The following CKMT2 variants were observed in gnomAD, a reference collection of about 807,000 sequenced individuals.
The protein encoded by CKMT2 is creatine kinase S-type, mitochondrial.
CKMT2 carries 43 observed loss-of-function variants against 48.9 expected under a neutral mutation model. The ratio of observed to expected loss-of-function variants is 0.88; its 90% CI spans 0.69 to 1.13. CKMT2 has a LOEUF of 1.13. Ranked by LOEUF, CKMT2 falls within the 50% of genes most tolerant of loss-of-function variation. CKMT2 has a pLI of 0.00. For synonymous variants in CKMT2, 206 were observed against 213.0 expected (o/e 0.97, Z 0.29); for missense variants, 472 against 555.4 (o/e 0.85, Z 1.51).
intron 1 of CKMT2, chr5:81,244,841 C>G (rs1756553359): frequency 6.7e-6 from 1 of 150,094 alleles, no homozygotes; most frequent in African/African-American, 2.5e-5. Context: ...ATGCATCCCC[C>G]TCACTATTTT....
intron 8 of CKMT2, among the ~76,000 whole-genome samples, chr5:81,259,965 A>C (rs1489738695): frequency 1.3e-5 from 2 of 152,182 alleles, no homozygotes; most frequent in Non-Finnish European, 2.9e-5. Context: ...TCGACCCCAC[A>C]ATTGGAAGTA....
Position 81,263,579 on chromosome 5 carries a change from A to T in CKMT2, c.1103A>T (p.Tyr368Phe). The T allele has an allele frequency of 6.2e-7, 1 of 1,612,666 alleles. No individual in the cohort carries two copies. The highest frequency in any genetic ancestry group is 8.5e-7 in the Non-Finnish European group (1 of 1,179,130). The change falls in exon 9 of 10, where the codon TAC becomes TTC. Residue 368 changes from tyrosine (Y) to phenylalanine (F), a missense_variant. Transcript: ENST00000254035. The stretch of plus-strand genomic sequence containing the variant: ...GACACTGCCGCGGTCGCAGATGTGT[A>T]CGACATTTCCAACATAGATAGAATT... ...GVDTAAVADVYDISNIDRIGR... is the reference protein window; with the variant it reads ...GVDTAAVADVFDISNIDRIGR...
intron 7 of CKMT2, among the ~76,000 whole-genome samples, chr5:81,258,191 C>A (rs562696848): frequency 6.7e-6 from 1 of 150,212 alleles, no homozygotes; most frequent in South Asian, 2.1e-4. Flanking sequence ...TGAGCCACCA[C>A]GCCCAGCCTC....
intron 1 of CKMT2, among the ~76,000 whole-genome samples, chr5:81,234,754 G>C (rs556487576): frequency 2.3e-4 from 35 of 152,132 alleles, no homozygotes; most frequent in Non-Finnish European, 4.3e-4. Context: ...GGTTGGGTCG[G>C]GGGGAGTACC....
At chr5:81,237,261 G>A (rs1444373358) in intron 1 of CKMT2, among the ~76,000 whole-genome samples, 2 of 152,184 alleles carry the variant, frequency 1.3e-5, no homozygotes, top group Non-Finnish European at 2.9e-5. Context: ...TGGGGAGGGA[G>A]TGATGATGAT....
intron 1 of CKMT2, chr5:81,238,687 A>G (rs1415485848): frequency 6.6e-6 from 1 of 152,450 alleles, no homozygotes; most frequent in Non-Finnish European, 1.5e-5. Context: ...TCTGCCACTC[A>G]TGGCTCCTGC....
rs1757385271 is a variant in CKMT2 at position 81,266,341 on chromosome 5, G to A, written c.*83G>A. ...CTACTCTGAGAGTTTTTATACACTT[G>A]GAAAAATATAAAATTGTAGATCCTG... is the stretch of plus-strand genomic sequence containing the variant. On this transcript the variant is annotated 3_prime_UTR_variant, in exon 10 of 10. Transcript: ENST00000254035. 1 of 1,327,416 alleles carries A rather than the reference G, an allele frequency of 7.5e-7. No homozygotes were observed. The highest frequency in any genetic ancestry group is 1.0e-6 in the Non-Finnish European group (1 of 955,054). 82.2% of individuals were successfully genotyped at this position (1,327,416 alleles called of 1,614,324 possible).
intron 1 of CKMT2, among the ~76,000 whole-genome samples, chr5:81,248,098 G>T (rs192385543): frequency 1.3e-5 from 2 of 152,304 alleles, no homozygotes; most frequent in East Asian, 3.9e-4. Flanking sequence ...ACCTCCAGTG[G>T]TCACAGGACT....
Position 81,254,847 on chromosome 5 carries a change from A to G in CKMT2, c.448-146A>G, listed in dbSNP as rs1042646124. On this transcript the variant is annotated intron_variant, in intron 4 of 9. Transcript: ENST00000254035. ...AAGGTCCGTGCCCCAAGACTTCCGG[A>G]ATGTGTCCAATTTACGGATTGTGCA... 9 of 699,426 alleles carry G rather than the reference A, an allele frequency of 1.3e-5. No homozygotes were observed. In the African/African-American group the frequency reaches 1.6e-4, roughly 13 times the overall value. The allele number at this position is 699,426 out of a possible 1,614,324, so 43.3% of individuals were successfully genotyped here.
intron 8 of CKMT2, among the ~76,000 whole-genome samples, chr5:81,263,025 G>A (rs2112827858): frequency 6.6e-6 from 1 of 152,220 alleles, no homozygotes; most frequent in Non-Finnish European, 1.5e-5. Flanking sequence ...GTCCTTTGCA[G>A]GGACATGGAT....
chr5:81,255,265 C>T (rs766979149), intron 5 of CKMT2, 51 bp downstream of exon 5: 1 of 1,537,676 alleles, frequency 6.5e-7, no homozygotes, highest in East Asian at 2.3e-5. Context: ...AGGGCTCTGA[C>T]CCGCACAGGA....
At chr5:81,260,984 C>T (rs1267040522) in intron 8 of CKMT2, among the ~76,000 whole-genome samples, 3 of 152,166 alleles carry the variant, frequency 2.0e-5, no homozygotes, top group African/African-American at 2.4e-5. Flanking sequence ...ACTGGCAAAC[C>T]GAATCCAGCA....
intron 8 of CKMT2, 28 bp downstream of exon 8, chr5:81,259,282 T>C (rs555752668): frequency 6.2e-7 from 1 of 1,605,104 alleles, no homozygotes; most frequent in South Asian, 1.1e-5. Context: ...GTGGCCCTGA[T>C]GGGCCAGGAT....
chr5:81,237,622 G>T (rs1284402200), intron 1 of CKMT2: 1 of 152,116 alleles, frequency 6.6e-6, no homozygotes, highest in African/African-American at 2.4e-5. Context: ...TTTTACAAGT[G>T]ATACAATACA....
chr5:81,260,488 A>G (rs1396161760), intron 8 of CKMT2, among the ~76,000 whole-genome samples: 2 of 152,228 alleles, frequency 1.3e-5, no homozygotes, highest in Admixed American at 6.5e-5. Context: ...CAGGCTAAAA[A>G]GAGAGAAGAA....
Position 81,254,456 on chromosome 5 carries a change from G to A in CKMT2, c.412G>A (p.Val138Met), listed in dbSNP as rs1330257134. 1 of 1,614,152 alleles carries A rather than the reference G, an allele frequency of 6.2e-7. No homozygotes were observed. Among genetic ancestry groups the A allele is most frequent in the Admixed American group, 1.7e-5 (1 of 60,022 alleles). The change falls in exon 4 of 10, where the codon GTG (valine) becomes ATG (methionine). Residue 138 changes from valine to methionine, a missense_variant. Physicochemically the swap from Val to Met is conservative, Grantham distance 21 (BLOSUM62 1). Transcript: ENST00000254035. ...KLRHNGYDPR[V>M]MKHTTDLDAS... The stretch of plus-strand genomic sequence containing the variant: ...AAGACACAACGGCTATGACCCCAGG[G>A]TGATGAAGCACACAACGGATCTGGA...
chr5:81,244,434 G>A (rs1456368628), intron 1 of CKMT2, among the ~76,000 whole-genome samples: 1 of 152,126 alleles, frequency 6.6e-6, no homozygotes, highest in Non-Finnish European at 1.5e-5. Context: ...AAAATCAGAC[G>A]CAGATGTCAT....
intron 1 of CKMT2, among the ~76,000 whole-genome samples, chr5:81,248,066 C>T (rs1033070119): frequency 1.3e-5 from 2 of 152,226 alleles, no homozygotes; most frequent in Non-Finnish European, 2.9e-5. Context: ...CCCACTCACA[C>T]ATCACCCTTA....
At chr5:81,233,577 C>T (rs1756169134) in intron 1 of CKMT2, among the ~76,000 whole-genome samples, 200 bp downstream of exon 1, 1 of 152,184 alleles carries the variant, frequency 6.6e-6, no homozygotes. Flanking sequence ...TCCCTGCACA[C>T]AGGTGGGGGC....
Sources: gnomAD v4.1 joint callset for allele counts (sites outside exome capture counted in the v4.1 genomes callset) on GRCh38, gnomAD v4.1.1 for gene constraint, MANE v1.5 for transcripts, NCBI Gene and HGNC (gene_info 2026-07-23, HGNC 2026-07-21) for gene names.